The following TFPI variants were observed in gnomAD, a reference collection of about 807,000 sequenced individuals.
TFPI encodes anti-convertin.
Under a neutral mutation model 34.6 loss-of-function variants are expected in TFPI, and 15 were observed. The observed-to-expected ratio is 0.43, with a 90% confidence interval of 0.29 to 0.67. The LOEUF is 0.67. Among genes scored for constraint, TFPI ranks in the 30% least tolerant of loss-of-function variants. The pLI is 0.15. For synonymous variants in TFPI, 105 were observed against 120.1 expected (o/e 0.87, Z 0.82); for missense variants, 301 against 364.0 (o/e 0.83, Z 1.41).
chr2:187,502,249 T>TG (rs1485526775), intron 2 of TFPI, among the ~76,000 whole-genome samples: 5 of 152,166 alleles, frequency 3.3e-5, no homozygotes, highest in African/African-American at 1.2e-4. Flanking sequence ...GGATTATTGA[T>TG]TGACAGTGGC....
chr2:187,468,117 A>C (rs1691817194), intron 6 of TFPI, among the ~76,000 whole-genome samples, 185 bp from the exon 7 acceptor site: 1 of 152,138 alleles, frequency 6.6e-6, no homozygotes, highest in Non-Finnish European at 1.5e-5. Flanking sequence ...CCATGTGTCC[A>C]GTATATTGAG....
Position 187,550,046 on chromosome 2 carries a change from T to C in TFPI, c.-3+4154A>G, listed in dbSNP as rs1236012662. ...ATGAAAGCTCAGGGAGGAGGAACTC[T>C]ACAAGAACCCAGTGGTCTCGCTGAG... On this transcript the variant is annotated intron_variant, in intron 1 of 7. Coordinates refer to ENST00000233156, the MANE Select transcript of TFPI (RefSeq NM_006287.6). 2.0e-5 allele frequency among the ~76,000 whole-genome samples: 3 copies of C among 152,176 alleles called. No homozygotes were observed. The South Asian group carries it at 6.2e-4, about 32-fold the overall frequency.
rs1247364485 is a variant in TFPI, at chr2:187,466,032, A to G, written c.*904T>C. The G allele has an allele frequency of 1.3e-5, 2 of 152,206 alleles. No individual in the cohort carries two copies. Among genetic ancestry groups the G allele is most frequent in the African/African-American group, 2.4e-5 (1 of 41,460 alleles). 9.4% of individuals were successfully genotyped at this position (152,206 alleles called of 1,614,324 possible). A position where few individuals can be genotyped will look rare whatever the true frequency, so the allele number is the denominator to read the frequency against. ...ATTTTCTCTTCAACAGAAATAACCT[A>G]CTTTTTAAAGCATGAATTATTAGTT... On this transcript the variant is annotated 3_prime_UTR_variant, in exon 8 of 8. Coordinates refer to ENST00000233156, the MANE Select transcript of TFPI (RefSeq NM_006287.6).
intron 1 of TFPI, among the ~76,000 whole-genome samples, chr2:187,532,226 T>C (rs1323215895): frequency 2.0e-5 from 3 of 152,226 alleles, no homozygotes; most frequent in Non-Finnish European, 4.4e-5. Flanking sequence ...ATTGCACATA[T>C]ATTGTTTGGT....
At chr2:187,488,018 T>C (rs1307108629) in intron 4 of TFPI, among the ~76,000 whole-genome samples, 2 of 151,336 alleles carry the variant, frequency 1.3e-5, no homozygotes, top group Admixed American at 6.6e-5. Flanking sequence ...AAACTAAATA[T>C]CATACTACAT....
intron 3 of TFPI, among the ~76,000 whole-genome samples, chr2:187,493,025 G>A (rs1338700082): frequency 2.0e-5 from 3 of 152,030 alleles, no homozygotes; most frequent in Non-Finnish European, 4.4e-5. Flanking sequence ...AGCTCCACTA[G>A]GCAGTGCCCC....
At chr2:187,507,082 C>T (rs936853892) in intron 1 of TFPI, among the ~76,000 whole-genome samples, 28 of 152,060 alleles carry the variant, frequency 1.8e-4, no homozygotes, top group Non-Finnish European at 2.8e-4. Context: ...TGACAGACCC[C>T]GGTATGTGAT....
rs553116051 is a variant in TFPI, at chr2:187,466,912, T to C, written c.*24A>G. 5.3e-5 allele frequency: 65 copies of C among 1,228,978 alleles called. No homozygotes were observed. Among genetic ancestry groups the C allele is most frequent in the Non-Finnish European group, 7.6e-5 (65 of 859,134 alleles). The allele number at this position is 1,228,978 out of a possible 1,614,324, so 76.1% of individuals were successfully genotyped here. ...TTTCATATAAAATATTTAGTAGAAT[T>C]AATGTTACATTGCTATAACAAATTC... is the stretch of plus-strand genomic sequence containing the variant. On this transcript the variant is annotated 3_prime_UTR_variant, in exon 8 of 8. Coordinates refer to ENST00000233156, the MANE Select transcript of TFPI (RefSeq NM_006287.6).
At chr2:187,501,919 G>A (rs1685877821) in intron 2 of TFPI, among the ~76,000 whole-genome samples, 1 of 151,956 alleles carries the variant, frequency 6.6e-6, no homozygotes. Flanking sequence ...TGTGAGAGAA[G>A]CAATAAAATT....
At chr2:187,479,435 C>T (rs115056211) in intron 6 of TFPI, among the ~76,000 whole-genome samples, 1,741 of 150,354 alleles carry the variant, frequency 0.012, 39 homozygotes, top group African/African-American at 0.039. Context: ...ATATCTGAGT[C>T]ATATCTGAGC....
intron 6 of TFPI, among the ~76,000 whole-genome samples, chr2:187,483,018 C>T (rs1692990794): frequency 6.6e-6 from 1 of 151,942 alleles, no homozygotes; most frequent in Non-Finnish European, 1.5e-5. Flanking sequence ...GAAGCAAGAC[C>T]CACAAATGAT....
At chr2:187,535,243 A>G (rs1688186350) in intron 1 of TFPI, among the ~76,000 whole-genome samples, 2 of 152,212 alleles carry the variant, frequency 1.3e-5, no homozygotes. Flanking sequence ...CAGACCTAAT[A>G]GACATCTACA....
At chr2:187,492,661 A>G (rs773795436) in intron 3 of TFPI, among the ~76,000 whole-genome samples, 12 of 152,024 alleles carry the variant, frequency 7.9e-5, no homozygotes, top group Non-Finnish European at 1.6e-4. Flanking sequence ...ATCATTTTGG[A>G]GCTTTAGGAT....
chr2:187,488,408 T>C (rs755190916), intron 3 of TFPI, 33 bp from the exon 4 acceptor site: 4 of 1,363,626 alleles, frequency 2.9e-6, no homozygotes, highest in Non-Finnish European at 2.0e-6. Flanking sequence ...ATATCAATTG[T>C]CACAATTTAT....
intron 1 of TFPI, among the ~76,000 whole-genome samples, chr2:187,542,841 T>A (rs1014822116): frequency 1.5e-5 from 2 of 132,256 alleles, no homozygotes; most frequent in Non-Finnish European, 3.1e-5. Context: ...CACTCCAGCC[T>A]GGGTGACAGG....
chr2:187,511,013 A>T (rs1168542930), intron 1 of TFPI, among the ~76,000 whole-genome samples: 1 of 152,174 alleles, frequency 6.6e-6, no homozygotes, highest in Non-Finnish European at 1.5e-5. Flanking sequence ...CCCCTTAGGC[A>T]GCTTAGGCCT....
At chr2:187,490,648 G>T (rs1685058232) in intron 3 of TFPI, among the ~76,000 whole-genome samples, 1 of 151,494 alleles carries the variant, frequency 6.6e-6, no homozygotes, top group Non-Finnish European at 1.5e-5. Flanking sequence ...GTTAGTTCTT[G>T]ATTTATTTTT....
At chr2:187,478,672 A>G (rs527500834) in intron 6 of TFPI, 11 of 1,612,174 alleles carry the variant, frequency 6.8e-6, no homozygotes, top group Non-Finnish European at 9.3e-6. Flanking sequence ...CAAAAGCACA[A>G]ATATTAACAT....
At chr2:187,546,331 A>C in intron 1 of TFPI, among the ~76,000 whole-genome samples, 1 of 149,858 alleles carries the variant, frequency 6.7e-6, no homozygotes, top group East Asian at 2.0e-4. Context: ...TCTTTGAATG[A>C]ATTCACCTTT....
Sources: gnomAD v4.1 joint callset for allele counts (sites outside exome capture counted in the v4.1 genomes callset) on GRCh38, gnomAD v4.1.1 for gene constraint, MANE v1.5 for transcripts, NCBI Gene and HGNC (gene_info 2026-07-23, HGNC 2026-07-21) for gene names.